CTNNA2: variants seen among roughly 807,000 people sequenced by gnomAD.
The protein encoded by CTNNA2 is catenin alpha-2.
A neutral mutation model predicts 101.0 loss-of-function variants in CTNNA2; 42 were observed. That is an observed-to-expected ratio of 0.42 (90% CI 0.32 to 0.54). The LOEUF is 0.54. Among genes scored for constraint, CTNNA2 ranks in the 20% least tolerant of loss-of-function variants. CTNNA2 has a pLI of 0.14. For missense variants in CTNNA2, 871 were observed against 1,223.1 expected (o/e 0.71, Z 4.29); for synonymous variants, 450 against 456.4 (o/e 0.99, Z 0.18).
At chr2:79,526,556 A>G (rs1672415724) in intron 1 of CTNNA2, among the ~76,000 whole-genome samples, 1 of 152,164 alleles carries the variant, frequency 6.6e-6, no homozygotes, top group African/African-American at 2.4e-5. Context: ...TGGAAGACAC[A>G]CTTCTTAATT....
At chr2:80,405,009 C>G (rs1158049644) in intron 8 of CTNNA2, among the ~76,000 whole-genome samples, 1 of 152,178 alleles carries the variant, frequency 6.6e-6, no homozygotes, top group African/African-American at 2.4e-5. Context: ...CATGGCTTCA[C>G]CAACAATTGC....
chr2:79,658,852 G>T (rs17017430), intron 2 of CTNNA2, among the ~76,000 whole-genome samples: 3 of 151,900 alleles, frequency 2.0e-5, no homozygotes, highest in Non-Finnish European at 2.9e-5. Context: ...AGCAATGTTC[G>T]TGGGGCCCTG....
intron 7 of CTNNA2, among the ~76,000 whole-genome samples, chr2:80,171,526 A>G (rs1705058789): frequency 6.6e-6 from 1 of 152,190 alleles, no homozygotes; most frequent in Admixed American, 6.5e-5. Context: ...TGACAACCCA[A>G]AGGTAACAGC....
intron 2 of CTNNA2, among the ~76,000 whole-genome samples, chr2:79,232,574 C>G (rs1474972370): frequency 6.6e-6 from 1 of 152,138 alleles, no homozygotes; most frequent in African/African-American, 2.4e-5. Context: ...GGGAGAAACC[C>G]CTCCCTATCA....
chr2:80,530,447 T>A (rs1254079413), intron 9 of CTNNA2, among the ~76,000 whole-genome samples: 5 of 152,196 alleles, frequency 3.3e-5, no homozygotes, highest in African/African-American at 9.6e-5. Flanking sequence ...CTTGTCAGAC[T>A]GTGTATGTGT....
At chr2:80,624,008 A>AT (rs1332193019) in intron 18 of CTNNA2, among the ~76,000 whole-genome samples, 1 of 152,050 alleles carries the variant, frequency 6.6e-6, no homozygotes, top group African/African-American at 2.4e-5. Flanking sequence ...CAGTGATGCT[A>AT]TTGAATCTCC....
intron 7 of CTNNA2, among the ~76,000 whole-genome samples, chr2:80,097,391 G>T (rs2148832075): frequency 6.6e-6 from 1 of 152,296 alleles, no homozygotes; most frequent in South Asian, 2.1e-4. Flanking sequence ...AGTCTGATGG[G>T]CTTCCCTTTG....
chr2:80,326,845 C>A (rs1670853567), intron 7 of CTNNA2, among the ~76,000 whole-genome samples: 1 of 152,184 alleles, frequency 6.6e-6, no homozygotes, highest in Admixed American at 6.5e-5. Context: ...TTCTCATACA[C>A]TGTGATTTTT....
intron 1 of CTNNA2, among the ~76,000 whole-genome samples, chr2:79,516,177 G>T (rs1382164327): frequency 6.6e-6 from 1 of 152,168 alleles, no homozygotes; most frequent in Non-Finnish European, 1.5e-5. Context: ...AATTGTAAGG[G>T]ACTCTGATTC....
intron 2 of CTNNA2, among the ~76,000 whole-genome samples, chr2:79,723,482 G>A (rs191440659): frequency 2.6e-5 from 4 of 152,216 alleles, no homozygotes; most frequent in South Asian, 4.1e-4. Flanking sequence ...CTCATCAACC[G>A]ACTACCTCTT....
intron 7 of CTNNA2, among the ~76,000 whole-genome samples, chr2:80,020,399 A>G (rs1694474911): frequency 6.6e-6 from 1 of 152,150 alleles, no homozygotes; most frequent in African/African-American, 2.4e-5. Context: ...AAGGGAAAGG[A>G]GAGGTAGAAA....
intron 7 of CTNNA2, among the ~76,000 whole-genome samples, chr2:80,348,479 T>C (rs1672979774): frequency 6.6e-6 from 1 of 152,166 alleles, no homozygotes; most frequent in East Asian, 1.9e-4. Flanking sequence ...CTGCCTAAAT[T>C]GCACAGCCGG....
chr2:80,076,586 T>C (rs369387179), intron 7 of CTNNA2, among the ~76,000 whole-genome samples: 461 of 152,212 alleles, frequency 3.0e-3, no homozygotes, highest in Middle Eastern at 6.8e-3. Flanking sequence ...CTTGGCTTTT[T>C]TTTTTTCCTT....
intron 3 of CTNNA2, among the ~76,000 whole-genome samples, chr2:79,778,727 T>G (rs1674190916): frequency 6.6e-6 from 1 of 150,512 alleles, no homozygotes; most frequent in South Asian, 2.2e-4. Context: ...TTCCTTGCCT[T>G]TCTTTCTTTC....
At chr2:80,539,107 C>T (rs372262237) in intron 9 of CTNNA2, among the ~76,000 whole-genome samples, 3 of 152,118 alleles carry the variant, frequency 2.0e-5, no homozygotes, top group African/African-American at 4.8e-5. Flanking sequence ...TAACCTCCAC[C>T]TCCTCAGTTC....
chr2:80,621,875 A>G (rs963935155), intron 18 of CTNNA2, among the ~76,000 whole-genome samples: 3 of 151,870 alleles, frequency 2.0e-5, no homozygotes, highest in Admixed American at 1.3e-4. Context: ...CAAAATAAAT[A>G]TCCCTGTGGC....
chr2:79,682,423 A>AAG (rs1291296942), intron 2 of CTNNA2, among the ~76,000 whole-genome samples: 4 of 150,928 alleles, frequency 2.7e-5, no homozygotes, highest in Non-Finnish European at 5.9e-5. Context: ...AAAAAAAAAA[A>AAG]AAAAAAAAAG....
intron 2 of CTNNA2, among the ~76,000 whole-genome samples, chr2:79,658,941 T>G (rs1004736631): frequency 1.1e-4 from 16 of 152,128 alleles, no homozygotes; most frequent in Non-Finnish European, 2.1e-4. Flanking sequence ...CTCAAGCTAA[T>G]TAGCACTTTA....
intron 3 of CTNNA2, among the ~76,000 whole-genome samples, chr2:79,755,357 A>G (rs1309980799): frequency 2.6e-5 from 4 of 152,144 alleles, no homozygotes; most frequent in African/African-American, 9.7e-5. Flanking sequence ...AATAAAGTGC[A>G]TGTGTGCTAG....
Sources: allele counts gnomAD v4.1 joint callset (sites outside exome capture counted in the v4.1 genomes callset), GRCh38; gene constraint gnomAD v4.1.1; transcripts MANE v1.5; gene names NCBI Gene and HGNC (gene_info 2026-07-23, HGNC 2026-07-21).